The following SLC24A3 variants were observed in gnomAD, a reference collection of about 807,000 sequenced individuals.
The protein encoded by SLC24A3 is sodium/potassium/calcium exchanger 3.
Under a neutral mutation model 75.8 loss-of-function variants are expected in SLC24A3, and 28 were observed. That is an observed-to-expected ratio of 0.37 (90% CI 0.27 to 0.51). The LOEUF is 0.51. SLC24A3 is among the 20% of genes least tolerant of loss of function. The pLI is 0.94. For synonymous variants in SLC24A3, 372 were observed against 334.1 expected (o/e 1.11, Z -1.24); for missense variants, 663 against 847.8 (o/e 0.78, Z 2.71).
chr20:19,644,776 G>T lies in SLC24A3; in HGVS notation c.613-9286G>T, dbSNP rs868646830. On this transcript the variant is annotated intron_variant, in intron 6 of 16. Coordinates refer to ENST00000328041, the MANE Select transcript of SLC24A3 (RefSeq NM_020689.4). ...ATGGGCTGAGAGCCCATTTCCTCCTGCCCCCTTCTCCAGGGGAAAATTAGA... is the reference window on the plus strand; with the variant it reads ...ATGGGCTGAGAGCCCATTTCCTCCTTCCCCCTTCTCCAGGGGAAAATTAGA... Among the ~76,000 whole-genome samples, 11 of 152,258 alleles carry T rather than the reference G, an allele frequency of 7.2e-5. No individual in the cohort carries two copies. The South Asian group carries it at 1.0e-3, about 14-fold the overall frequency.
chr20:19,483,799 A>C (rs1425735502), intron 2 of SLC24A3, among the ~76,000 whole-genome samples: 3 of 152,140 alleles, frequency 2.0e-5, no homozygotes, highest in Non-Finnish European at 4.4e-5. Flanking sequence ...CTTGGGTCAC[A>C]CTGGAAGTCA....
chr20:19,289,512 A>T (rs1983889800), intron 2 of SLC24A3, among the ~76,000 whole-genome samples: 1 of 152,152 alleles, frequency 6.6e-6, no homozygotes. Flanking sequence ...TGAGCAATGC[A>T]CTCAACTGTG....
At chr20:19,294,035 G>T (rs1162808289) in intron 2 of SLC24A3, among the ~76,000 whole-genome samples, 1 of 151,896 alleles carries the variant, frequency 6.6e-6, no homozygotes, top group Non-Finnish European at 1.5e-5. Context: ...ATCATCTCTA[G>T]GTTGCTTATA....
chr20:19,399,426 G>A (rs1213568456), intron 2 of SLC24A3, among the ~76,000 whole-genome samples: 1 of 152,032 alleles, frequency 6.6e-6, no homozygotes, highest in Non-Finnish European at 1.5e-5. Flanking sequence ...ATCTGGCAAT[G>A]TTTGATATGG....
chr20:19,536,860 T>C (rs2030407942), intron 3 of SLC24A3, among the ~76,000 whole-genome samples: 1 of 152,142 alleles, frequency 6.6e-6, no homozygotes, highest in South Asian at 2.1e-4. Flanking sequence ...CCTTACACCT[T>C]ATACAAAAAT....
rs962488426 is a variant in SLC24A3 at position 19,720,591 on chromosome 20, G to GC, written c.1786-398dup. ...CGCAGCCGTAGGAAGAGATGCAGCCGCCACCGCCTGAGGACTGAGGGGTCA... is the reference window on the plus strand; with the variant it reads ...CGCAGCCGTAGGAAGAGATGCAGCCGCCCACCGCCTGAGGACTGAGGGGTCA... On this transcript the variant is annotated intron_variant, in intron 16 of 16. Coordinates refer to ENST00000328041, the MANE Select transcript of SLC24A3 (RefSeq NM_020689.4). Among the ~76,000 whole-genome samples the GC allele has an allele frequency of 5.2e-4, 79 of 152,172 alleles. 1 individual carries two copies. The highest frequency in any genetic ancestry group is 1.9e-3 in the African/African-American group (77 of 41,520).
intron 2 of SLC24A3, among the ~76,000 whole-genome samples, chr20:19,456,881 C>T (rs1987587143): frequency 6.6e-6 from 1 of 152,200 alleles, no homozygotes; most frequent in African/African-American, 2.4e-5. Context: ...CTCAGTCTGG[C>T]AGGTACAGTG....
At chr20:19,638,664 A>G (rs758760993) in intron 6 of SLC24A3, among the ~76,000 whole-genome samples, 23 of 152,124 alleles carry the variant, frequency 1.5e-4, no homozygotes, top group Non-Finnish European at 3.1e-4. Flanking sequence ...TATTATCCCT[A>G]TTTTTGAAGA....
intron 2 of SLC24A3, among the ~76,000 whole-genome samples, chr20:19,455,338 C>T (rs1171627867): frequency 6.6e-6 from 1 of 152,146 alleles, no homozygotes; most frequent in East Asian, 1.9e-4. Flanking sequence ...TATTAGGTAA[C>T]CAGATAAACC....
chr20:19,387,563 G>A (rs569071402), intron 2 of SLC24A3, among the ~76,000 whole-genome samples: 92 of 152,028 alleles, frequency 6.1e-4, no homozygotes, highest in African/African-American at 2.0e-3. Flanking sequence ...TTTTCTTTTT[G>A]ATTTCTTCTT....
intron 3 of SLC24A3, among the ~76,000 whole-genome samples, chr20:19,527,764 A>G (rs1406915955): frequency 6.6e-6 from 1 of 152,228 alleles, no homozygotes; most frequent in Non-Finnish European, 1.5e-5. Flanking sequence ...GCACAAAGAC[A>G]TAGCATCTAA....
chr20:19,622,898 A>G (rs566596068), intron 6 of SLC24A3, among the ~76,000 whole-genome samples: 2 of 152,236 alleles, frequency 1.3e-5, no homozygotes, highest in East Asian at 1.9e-4. Context: ...CCATGTCAAG[A>G]GAGGGAGCAA....
intron 1 of SLC24A3, among the ~76,000 whole-genome samples, chr20:19,245,433 T>G (rs1046016018): frequency 6.6e-6 from 1 of 152,192 alleles, no homozygotes. Flanking sequence ...ATAAGTGTGA[T>G]CAATTTGAGT....
At chr20:19,585,126 C>G in intron 5 of SLC24A3, 71 bp downstream of exon 5, 1 of 1,371,996 alleles carries the variant, frequency 7.3e-7, no homozygotes, top group Admixed American at 1.9e-5. Flanking sequence ...AATGGATGGC[C>G]CCCAGACCGA....
intron 2 of SLC24A3, among the ~76,000 whole-genome samples, chr20:19,410,709 T>C (rs1455725976): frequency 3.3e-5 from 5 of 152,144 alleles, no homozygotes; most frequent in Non-Finnish European, 7.3e-5. Flanking sequence ...AGGTGCTCAG[T>C]AAACCCTGAA....
intron 2 of SLC24A3, among the ~76,000 whole-genome samples, chr20:19,345,472 A>C (rs1170560895): frequency 1.3e-5 from 2 of 152,206 alleles, no homozygotes; most frequent in Non-Finnish European, 2.9e-5. Flanking sequence ...ACAAAATCAG[A>C]GGACTGACAC....
At chr20:19,352,262 C>T (rs966957168) in intron 2 of SLC24A3, among the ~76,000 whole-genome samples, 4 of 152,114 alleles carry the variant, frequency 2.6e-5, no homozygotes, top group African/African-American at 7.2e-5. Context: ...GTACAGCCTT[C>T]GATGAGGCCC....
intron 2 of SLC24A3, among the ~76,000 whole-genome samples, chr20:19,293,320 T>C (rs1163362700): frequency 6.6e-6 from 1 of 152,136 alleles, no homozygotes; most frequent in Non-Finnish European, 1.5e-5. Flanking sequence ...ATGCAGGACA[T>C]TGGCCCCTTT....
chr20:19,689,529 A>AC (rs546586811), intron 12 of SLC24A3, among the ~76,000 whole-genome samples: 189 of 152,276 alleles, frequency 1.2e-3, no homozygotes, highest in Non-Finnish European at 2.0e-3. Flanking sequence ...TCATTGCTGT[A>AC]CCCCCAGGAC....
Sources: allele counts gnomAD v4.1 joint callset (sites outside exome capture counted in the v4.1 genomes callset), GRCh38; gene constraint gnomAD v4.1.1; transcripts MANE v1.5; gene names NCBI Gene and HGNC (gene_info 2026-07-23, HGNC 2026-07-21).